STK39: variants seen among roughly 807,000 people sequenced by gnomAD.
STK39 encodes the protein STE20/SPS1-related proline-alanine-rich protein kinase.
Under a neutral mutation model 77.8 loss-of-function variants are expected in STK39, and 20 were observed. That is an observed-to-expected ratio of 0.26 (90% CI 0.18 to 0.37). STK39 has a LOEUF of 0.37. Ranked by LOEUF, STK39 falls within the 10% of genes least tolerant of loss-of-function variation. STK39 has a pLI of 1.00. For synonymous variants in STK39, 246 were observed against 234.1 expected, an observed-to-expected ratio of 1.05 and a Z score of -0.47; for missense variants, 479 against 656.5, an observed-to-expected ratio of 0.73 and a Z score of 2.95.
chr2:168,107,128 TA>T (rs1256803186), intron 10 of STK39, among the ~76,000 whole-genome samples: 1 of 152,236 alleles, frequency 6.6e-6, no homozygotes, highest in Non-Finnish European at 1.5e-5. Context: ...TTCCTGCTTT[TA>T]AAGTAATCAT....
At chr2:167,992,555 C>A (rs1199455203) in intron 16 of STK39, among the ~76,000 whole-genome samples, 10 of 152,126 alleles carry the variant, frequency 6.6e-5, no homozygotes, top group Admixed American at 6.5e-4. Context: ...AAAAGAATTC[C>A]ATAGGCAAAG....
intron 1 of STK39, among the ~76,000 whole-genome samples, chr2:168,198,006 C>T (rs1477502953): frequency 6.7e-6 from 1 of 150,238 alleles, no homozygotes; most frequent in Non-Finnish European, 1.5e-5. Context: ...CCATTGCACT[C>T]CAGCCTGGGC....
intron 1 of STK39, among the ~76,000 whole-genome samples, chr2:168,218,711 A>T (rs12465990): frequency 6.6e-6 from 1 of 151,852 alleles, no homozygotes; most frequent in African/African-American, 2.4e-5. Context: ...CTCCACCCCC[A>T]AAAAAATCAA....
intron 5 of STK39, among the ~76,000 whole-genome samples, chr2:168,141,681 A>G (rs1574497742): frequency 6.6e-6 from 1 of 152,320 alleles, no homozygotes; most frequent in East Asian, 1.9e-4. Context: ...GGTGGGTAGT[A>G]ATAAAAACAG....
chr2:168,061,869 C>T (rs1034831750), intron 14 of STK39, among the ~76,000 whole-genome samples: 3 of 152,146 alleles, frequency 2.0e-5, no homozygotes. Context: ...TTCAGTAGTA[C>T]GTGTTTTGAC....
intron 6 of STK39, 68 bp downstream of exon 6, chr2:168,140,581 G>A: frequency 1.5e-6 from 2 of 1,322,642 alleles, no homozygotes; most frequent in Non-Finnish European, 2.1e-6. Flanking sequence ...CAAATGAAAT[G>A]TTAGCATATT....
intron 14 of STK39, among the ~76,000 whole-genome samples, chr2:168,052,953 T>C (rs1198409294): frequency 1.3e-5 from 2 of 152,200 alleles, no homozygotes; most frequent in Non-Finnish European, 2.9e-5. Flanking sequence ...ACACAGATGA[T>C]GACAACCTCT....
chr2:168,155,287 G>A (rs3820867), intron 5 of STK39, among the ~76,000 whole-genome samples: 61,991 of 152,002 alleles, frequency 0.41, 14,427 homozygotes, highest in East Asian at 0.67. Flanking sequence ...ATCTCCCCAA[G>A]TATTTCTCAC....
At chr2:167,969,662 C>T (rs149626727) in intron 16 of STK39, among the ~76,000 whole-genome samples, 14 of 152,282 alleles carry the variant, frequency 9.2e-5, no homozygotes, top group African/African-American at 2.9e-4. Flanking sequence ...TACGCAGAAA[C>T]GAATGACTTC....
At chr2:168,179,989 C>G (rs1485795116) in intron 2 of STK39, among the ~76,000 whole-genome samples, 1 of 149,630 alleles carries the variant, frequency 6.7e-6, no homozygotes, top group East Asian at 2.0e-4. Flanking sequence ...TACACATATT[C>G]TGTATCAATA....
intron 10 of STK39, among the ~76,000 whole-genome samples, chr2:168,124,645 C>T (rs1187924028): frequency 1.9e-4 from 29 of 152,088 alleles, no homozygotes. Flanking sequence ...GTGATCCTCC[C>T]ACCTCGGCCT....
intron 16 of STK39, among the ~76,000 whole-genome samples, chr2:168,008,341 T>G (rs1022059399): frequency 1.3e-5 from 2 of 151,552 alleles, no homozygotes; most frequent in African/African-American, 4.9e-5. Context: ...TTCAGATGAG[T>G]TGGATGTGAA....
At chr2:168,030,577 A>G (rs2105338081) in intron 14 of STK39, among the ~76,000 whole-genome samples, 1 of 152,348 alleles carries the variant, frequency 6.6e-6, no homozygotes, top group Non-Finnish European at 1.5e-5. Context: ...GAACTAATTA[A>G]TAAGAAGTGT....
chr2:168,188,903 G>A (rs1009197150), intron 1 of STK39, among the ~76,000 whole-genome samples: 1 of 152,040 alleles, frequency 6.6e-6, no homozygotes, highest in Non-Finnish European at 1.5e-5. Flanking sequence ...TGCACAAACC[G>A]CTCGCCTCCA....
At chr2:168,154,519 T>TAC (rs920455486) in intron 5 of STK39, among the ~76,000 whole-genome samples, 1 of 152,226 alleles carries the variant, frequency 6.6e-6, no homozygotes, top group African/African-American at 2.4e-5. Context: ...CAACATATGA[T>TAC]ACATGCAGTA....
At chr2:167,999,007 C>T (rs192741988) in intron 16 of STK39, among the ~76,000 whole-genome samples, 1 of 152,210 alleles carries the variant, frequency 6.6e-6, no homozygotes, top group Non-Finnish European at 1.5e-5. Context: ...GGGACCCAAT[C>T]GAGTTGAAAC....
chr2:168,023,402 GGCTGGTAAT>G lies in STK39; in HGVS notation c.1377-6316_1377-6308del, dbSNP rs1331330505. On this transcript the variant is annotated intron_variant, in intron 14 of 17. Coordinates refer to ENST00000355999, the MANE Select transcript of STK39 (RefSeq NM_013233.3). ...AATCAAACGAGGCAGCTGGCTAAGA[GGCTGGTAAT>G]GCAGAACACGAACGGACACCCATCC... Among the ~76,000 whole-genome samples the G allele has an allele frequency of 1.5e-4, 23 of 152,220 alleles. No individual in the cohort carries two copies. The South Asian group carries it at 2.7e-3, about 18-fold the overall frequency.
chr2:168,124,493 C>T (rs550548709), intron 10 of STK39, among the ~76,000 whole-genome samples: 1 of 152,186 alleles, frequency 6.6e-6, no homozygotes, highest in South Asian at 2.1e-4. Flanking sequence ...CTCTGCCTCC[C>T]GGATTCAAAT....
In STK39 at chr2:168,031,349, A is replaced by G. The variant is rs145945281; in HGVS notation, c.1377-14254T>C. Among the ~76,000 whole-genome samples, 226 of 152,314 alleles carry G rather than the reference A, an allele frequency of 1.5e-3. 1 individual carries two copies. The highest frequency in any genetic ancestry group is 5.3e-3 in the African/African-American group (219 of 41,554). ...GTAAGAGAAGGGAAATCTGAAGCTCAGCCTTATCTGCTTCCCAGGGATGCC... is the reference window on the plus strand; with the variant it reads ...GTAAGAGAAGGGAAATCTGAAGCTCGGCCTTATCTGCTTCCCAGGGATGCC... On this transcript the variant is annotated intron_variant, in intron 14 of 17. Coordinates refer to ENST00000355999, the MANE Select transcript of STK39 (RefSeq NM_013233.3).
Sources: gnomAD v4.1 joint callset for allele counts (sites outside exome capture counted in the v4.1 genomes callset) on GRCh38, gnomAD v4.1.1 for gene constraint, MANE v1.5 for transcripts, NCBI Gene and HGNC (gene_info 2026-07-23, HGNC 2026-07-21) for gene names.